The following KAZN variants were observed in gnomAD, a reference collection of about 807,000 sequenced individuals.
KAZN encodes kazrin, periplakin interacting protein.
In KAZN, 40 loss-of-function variants were observed where a neutral mutation model predicts 87.4. The observed-to-expected ratio is 0.46, with a 90% confidence interval of 0.36 to 0.60. KAZN has a LOEUF of 0.60. KAZN is among the 20% of genes least tolerant of loss of function. KAZN has a pLI of 0.00. For synonymous variants in KAZN, 466 were observed against 458.3 expected, an observed-to-expected ratio of 1.02 and a Z score of -0.22; for missense variants, 898 against 1,073.9, an observed-to-expected ratio of 0.84 and a Z score of 2.29.
At chr1:14,601,682 C>T (rs946800825) in intron 1 of KAZN, among the ~76,000 whole-genome samples, 1 of 152,178 alleles carries the variant, frequency 6.6e-6, no homozygotes. Context: ...AGGCTCAGCT[C>T]CTCAGGGTTT....
chr1:14,796,513 T>A (rs1398043654), intron 1 of KAZN, among the ~76,000 whole-genome samples: 1 of 152,214 alleles, frequency 6.6e-6, no homozygotes, highest in African/African-American at 2.4e-5. Context: ...AGGTGTGCGC[T>A]ACAGACTAGG....
intron 2 of KAZN, among the ~76,000 whole-genome samples, chr1:14,491,214 T>C (rs927311268): frequency 2.0e-5 from 3 of 152,360 alleles, no homozygotes; most frequent in African/African-American, 7.2e-5. Context: ...AATGCTGTTA[T>C]AAGCAAAGCT....
chr1:14,929,314 G>A (rs191975291), intron 1 of KAZN, among the ~76,000 whole-genome samples: 70 of 152,252 alleles, frequency 4.6e-4, no homozygotes, highest in Non-Finnish European at 7.8e-4. Context: ...TGACTCCAAA[G>A]GGCTGCTAGC....
intron 2 of KAZN, among the ~76,000 whole-genome samples, chr1:14,533,413 C>T (rs1252867240): frequency 1.3e-5 from 2 of 152,176 alleles, no homozygotes; most frequent in East Asian, 3.9e-4. Context: ...AGTCTTTTCT[C>T]AGCCAACCAA....
chr1:14,433,929 T>C (rs1666228124), intron 2 of KAZN, among the ~76,000 whole-genome samples: 1 of 152,150 alleles, frequency 6.6e-6, no homozygotes, highest in Non-Finnish European at 1.5e-5. Context: ...CACCAGGGAA[T>C]GGCCACGTGA....
intron 1 of KAZN, among the ~76,000 whole-genome samples, chr1:14,617,191 C>G (rs1023711008): frequency 6.6e-6 from 1 of 152,210 alleles, no homozygotes; most frequent in African/African-American, 2.4e-5. Context: ...TTCTATGATA[C>G]AGGCATATTT....
At chr1:14,328,276 T>A (rs777582646) in intron 2 of KAZN, among the ~76,000 whole-genome samples, 1 of 152,198 alleles carries the variant, frequency 6.6e-6, no homozygotes, top group Non-Finnish European at 1.5e-5. Flanking sequence ...TAAGAAGAGA[T>A]ATATTGCTTT....
intron 4 of KAZN, among the ~76,000 whole-genome samples, chr1:15,049,788 G>T (rs1447917264): frequency 2.0e-5 from 3 of 152,110 alleles, no homozygotes; most frequent in Non-Finnish European, 2.9e-5. Flanking sequence ...CTTTGGGGAG[G>T]CCGAGGCAGG....
rs563539375 is a variant in KAZN at position 14,436,734 on chromosome 1, A to AAAAAACAAAAAC, written c.250-162245_250-162244insACAAAAACAAAA. Among the ~76,000 whole-genome samples the AAAAAACAAAAAC allele has an allele frequency of 2.3e-3, 316 of 137,378 alleles. 9 individuals are homozygous for AAAAAACAAAAAC. The highest frequency in any genetic ancestry group is 6.5e-3 in the African/African-American group (238 of 36,882). 90.1% of individuals were successfully genotyped at this position (137,378 alleles called of 152,430 possible). ...CTCTGTCTCAAAAAAAAAAAAAAAAAAAAACCTTAAAACAATCCTGAGAGG... is the reference window on the plus strand; with the variant it reads ...CTCTGTCTCAAAAAAAAAAAAAAAAAAAAAACAAAAACAAAACCTTAAAACAATCCTGAGAGG... On this transcript the variant is annotated intron_variant, in intron 2 of 16. Coordinates refer to the KAZN transcript ENST00000636203.
intron 1 of KAZN, among the ~76,000 whole-genome samples, chr1:14,726,784 C>T (rs748206622): frequency 6.6e-6 from 1 of 152,206 alleles, no homozygotes; most frequent in Non-Finnish European, 1.5e-5. Context: ...GATTCTCAGG[C>T]CCCGCCCCAG....
At chr1:14,185,097 C>CAGAAGGAT (rs1458526449) in intron 2 of KAZN, among the ~76,000 whole-genome samples, 1 of 152,090 alleles carries the variant, frequency 6.6e-6, no homozygotes, top group Non-Finnish European at 1.5e-5. Flanking sequence ...ACTGAGACAT[C>CAGAAGGAT]AGAAGGATCC....
rs531827031 is a variant in KAZN at position 14,984,850 on chromosome 1, A to G, written c.418+23975A>G. On this transcript the variant is annotated intron_variant, in intron 2 of 14. Coordinates refer to ENST00000376030, the MANE Select transcript of KAZN (RefSeq NM_201628.3). The stretch of plus-strand genomic sequence containing the variant: ...AACATCCAATAAAATAATAAAAGAA[A>G]TGGGTGATTCAAGGGGGAAAGGAGG... 4.6e-5 allele frequency among the ~76,000 whole-genome samples: 7 copies of G among 152,278 alleles called. No individual in the cohort carries two copies. The East Asian group carries it at 1.2e-3, about 25-fold the overall frequency.
At chr1:14,544,555 A>C (rs1433949330) in intron 2 of KAZN, among the ~76,000 whole-genome samples, 1 of 150,328 alleles carries the variant, frequency 6.7e-6, no homozygotes, top group Non-Finnish European at 1.5e-5. Flanking sequence ...CTTAAAAGAG[A>C]CTCTTTTAGG....
chr1:13,935,490 A>T (rs1640694296), intron 1 of KAZN, among the ~76,000 whole-genome samples: 1 of 152,132 alleles, frequency 6.6e-6, no homozygotes, highest in Admixed American at 6.5e-5. Context: ...CATCCTACTT[A>T]ACAGAACGTT....
chr1:14,948,962 G>A (rs1431121066), intron 1 of KAZN, among the ~76,000 whole-genome samples: 1 of 152,072 alleles, frequency 6.6e-6, no homozygotes, highest in African/African-American at 2.4e-5. Context: ...TTTGAGACCA[G>A]CCTGGCCAAC....
chr1:14,002,084 A>T (rs6688293), intron 1 of KAZN, among the ~76,000 whole-genome samples: 78,936 of 151,828 alleles, frequency 0.52, 20,856 homozygotes, highest in Admixed American at 0.63. Flanking sequence ...ATGGGAAAAA[A>T]TTTTTGCAAT....
chr1:13,937,208 G>A (rs1315334901), intron 1 of KAZN, among the ~76,000 whole-genome samples: 2 of 151,864 alleles, frequency 1.3e-5, no homozygotes, highest in African/African-American at 2.4e-5. Flanking sequence ...CACCACACCC[G>A]GCTAATTTTT....
intron 1 of KAZN, among the ~76,000 whole-genome samples, chr1:14,825,655 G>A (rs1036718469): frequency 6.6e-6 from 1 of 152,124 alleles, no homozygotes; most frequent in Non-Finnish European, 1.5e-5. Context: ...AAGGGACCAC[G>A]TTGGGATTGG....
rs12035178 is a variant in KAZN, at chr1:14,949,988, C to T, written c.227-10696C>T. Among the ~76,000 whole-genome samples the T allele has an allele frequency of 2.0e-5, 3 of 151,778 alleles. No individual in the cohort carries two copies. The highest frequency in any genetic ancestry group is 2.9e-5 in the Non-Finnish European group (2 of 67,992). On this transcript the variant is annotated intron_variant, in intron 1 of 14. Transcript: ENST00000376030. The surrounding 1 kb of genome is among the most constrained non-coding windows in gnomAD (Gnocchi z 4.3). ...CGGCTTCACCGGAAGAGCCTCTGCA[C>T]GGAAGACGGTTTCAACACCACCTAA...
Sources: allele counts gnomAD v4.1 joint callset (sites outside exome capture counted in the v4.1 genomes callset), GRCh38; gene constraint gnomAD v4.1.1; non-coding constraint Gnocchi (gnomAD v3.1); transcripts MANE v1.5; gene names NCBI Gene and HGNC (gene_info 2026-07-23, HGNC 2026-07-21).